The following DNAH9 variants were observed in gnomAD, a reference collection of about 807,000 sequenced individuals.
DNAH9 encodes the protein DNAH9 variant protein.
In DNAH9, 345 loss-of-function variants were observed where a neutral mutation model predicts 471.6. The observed-to-expected ratio is 0.73, with a 90% CI of 0.67 to 0.80. The LOEUF (loss-of-function observed/expected upper bound fraction) is 0.80, where lower values mean the gene tolerates loss of function less well. DNAH9 is among the 30% of genes least tolerant of loss of function. The pLI is 0.00. For missense variants in DNAH9, 5,407 were observed against 5,609.2 expected, an observed-to-expected ratio of 0.96 and a Z score of 1.15; for synonymous variants, 2,093 against 2,123.6, an observed-to-expected ratio of 0.99 and a Z score of 0.40.
At chr17:11,662,058 G>C (rs1385612197) in intron 14 of DNAH9, among the ~76,000 whole-genome samples, 1 of 151,864 alleles carries the variant, frequency 6.6e-6, no homozygotes, top group Admixed American at 6.6e-5. Context: ...TTTCATCTTT[G>C]TTTTTAAAGG....
intron 67 of DNAH9, among the ~76,000 whole-genome samples, chr17:11,960,867 A>G (rs562528273): frequency 3.7e-4 from 57 of 152,262 alleles, no homozygotes; most frequent in African/African-American, 1.3e-3. Context: ...CGGAGGTGAG[A>G]ACATCTTACA....
chr17:11,698,630 G>C (rs2074535994), intron 22 of DNAH9, among the ~76,000 whole-genome samples: 1 of 151,980 alleles, frequency 6.6e-6, no homozygotes, highest in Non-Finnish European at 1.5e-5. Flanking sequence ...TGGAGAGCTG[G>C]TTGTTCTAAA....
At chr17:11,763,926 C>A (rs1010439977) in intron 36 of DNAH9, among the ~76,000 whole-genome samples, 1 of 152,028 alleles carries the variant, frequency 6.6e-6, no homozygotes, top group South Asian at 2.1e-4. Flanking sequence ...CACTACTTTG[C>A]CAGGTGGTGT....
intron 61 of DNAH9, among the ~76,000 whole-genome samples, chr17:11,910,329 C>T (rs1372781678): frequency 6.6e-6 from 1 of 151,930 alleles, no homozygotes; most frequent in Non-Finnish European, 1.5e-5. Context: ...TTGTGATGAG[C>T]TTCTTTCATT....
At chr17:11,775,668 G>A (rs909913398) in intron 38 of DNAH9, among the ~76,000 whole-genome samples, 2 of 139,206 alleles carry the variant, frequency 1.4e-5, no homozygotes, top group Non-Finnish European at 3.0e-5. Context: ...GCAGTGGCGC[G>A]ATCTCGGCTC....
In DNAH9 at chr17:11,942,363, C is replaced by T; in HGVS notation, c.12721C>T (p.Leu4241=). ...GACAGACGAGTTTAACATCCCAGAA[C>T]TGATGGCCAAAGTGGAGGAGCGCAC... ...RVTDEFNIPE[L]MAKVEERTPY... is the part of the protein sequence containing the mutation. Residue 4241 remains leucine (L), a synonymous_variant, in exon 67 of 69, where the codon CTG becomes TTG. Transcript: ENST00000262442. The T allele has an allele frequency of 6.2e-7, 1 of 1,614,222 alleles. No homozygotes were observed. The highest frequency in any genetic ancestry group is 8.5e-7 in the Non-Finnish European group (1 of 1,180,040).
intron 32 of DNAH9, among the ~76,000 whole-genome samples, chr17:11,748,629 C>A (rs575870867): frequency 3.8e-4 from 58 of 152,280 alleles, no homozygotes; most frequent in African/African-American, 1.3e-3. Context: ...GAGCCATATT[C>A]CTTTCTACAG....
At chr17:11,936,768 C>A (rs1415840719) in intron 65 of DNAH9, among the ~76,000 whole-genome samples, 1 of 152,196 alleles carries the variant, frequency 6.6e-6, no homozygotes, top group Non-Finnish European at 1.5e-5. Flanking sequence ...TAGGGTGACA[C>A]ATAGTTTCAA....
At position 11,719,504 on chromosome 17, in the gene DNAH9, C is replaced by A. The variant is rs202132455; in HGVS notation, c.5709+14C>A. The stretch of plus-strand genomic sequence containing the variant: ...ATGGATTACAAGGTACAGTTCCACC[C>A]GGCTTCCTGGGGGTGGGGGTGGGGG... On this transcript the variant is annotated intron_variant, in intron 27 of 68. Coordinates refer to ENST00000262442, the MANE Select transcript of DNAH9 (RefSeq NM_001372.4). 30 of 1,572,988 alleles carry A rather than the reference C, an allele frequency of 1.9e-5. No individual in the cohort carries two copies. The highest frequency in any genetic ancestry group is 2.5e-5 in the Non-Finnish European group (29 of 1,149,844).
intron 26 of DNAH9, among the ~76,000 whole-genome samples, chr17:11,714,615 A>G (rs1174562451): frequency 6.6e-6 from 1 of 152,056 alleles, no homozygotes; most frequent in African/African-American, 2.4e-5. Flanking sequence ...TATTATTCCC[A>G]TGGTTGTGTA....
At chr17:11,950,154 AGACAAATTATCCTTCCTC>A (rs1202663767) in intron 67 of DNAH9, among the ~76,000 whole-genome samples, 1 of 152,180 alleles carries the variant, frequency 6.6e-6, no homozygotes, top group Non-Finnish European at 1.5e-5. Context: ...CTGTCCTCAA[AGACAAATTATCCTTCCTC>A]GACTCTCAAA....
chr17:11,789,538 TTAAG>T (rs1968992585), intron 41 of DNAH9, among the ~76,000 whole-genome samples: 1 of 152,040 alleles, frequency 6.6e-6, no homozygotes, highest in African/African-American at 2.4e-5. Context: ...ATGTTGGGTA[TTAAG>T]TGTGTCTTTT....
rs138845677 is a variant in DNAH9, at chr17:11,916,680, C to T, written c.11750-7134C>T. Among the ~76,000 whole-genome samples the T allele has an allele frequency of 2.2e-3, 340 of 152,320 alleles. 1 individual carries two copies. Among genetic ancestry groups the T allele is most frequent in the Middle Eastern group, 0.01 (3 of 294 alleles). ...TTCACTGTCTTCCTCCGTTTAGACT[C>T]TTAAAAAGCTTGGAATCATTTCTCC... On this transcript the variant is annotated intron_variant, in intron 61 of 68. Coordinates refer to ENST00000262442, the MANE Select transcript of DNAH9 (RefSeq NM_001372.4).
chr17:11,810,554 T>G (rs1244576881), intron 45 of DNAH9, among the ~76,000 whole-genome samples, 185 bp downstream of exon 45: 1 of 152,198 alleles, frequency 6.6e-6, no homozygotes, highest in Non-Finnish European at 1.5e-5. Context: ...CTATCCTGGC[T>G]CTTTCATTCT....
intron 45 of DNAH9, among the ~76,000 whole-genome samples, chr17:11,813,613 A>G (rs557698471): frequency 2.0e-5 from 3 of 152,348 alleles, no homozygotes; most frequent in Admixed American, 2.0e-4. Flanking sequence ...ATATAAAGGT[A>G]TAGTGAATGC....
chr17:11,708,014 CAGAGAG>C lies in DNAH9; in HGVS notation c.5552+2866_5552+2871del, dbSNP rs34314090. ...ACACACACACACACACACACACACA[CAGAGAG>C]AGAGAGAGAGAGAGAGAGAGAGAGA... On this transcript the variant is annotated intron_variant, in intron 26 of 68. Transcript: ENST00000262442. 9.4e-4 allele frequency among the ~76,000 whole-genome samples: 49 copies of C among 52,176 alleles called. 1 individual carries two copies. Among genetic ancestry groups the C allele is most frequent in the African/African-American group, 3.1e-3 (43 of 13,838 alleles). 34.2% of individuals were successfully genotyped at this position (52,176 alleles called of 152,430 possible). A position where few individuals can be genotyped will look rare whatever the true frequency, so the allele number is the denominator to read the frequency against.
chr17:11,647,933 A>G (rs980306608), intron 12 of DNAH9, among the ~76,000 whole-genome samples: 9 of 152,192 alleles, frequency 5.9e-5, no homozygotes, highest in African/African-American at 2.2e-4. Flanking sequence ...ACTTCTTGCA[A>G]TGCACAGGAC....
chr17:11,624,968 TA>T (rs1215103945), intron 6 of DNAH9, among the ~76,000 whole-genome samples: 1 of 152,144 alleles, frequency 6.6e-6, no homozygotes, highest in Non-Finnish European at 1.5e-5. Context: ...CAGAAGTATA[TA>T]AAATCTTTGC....
intron 58 of DNAH9, 60 bp from the exon 59 acceptor site, chr17:11,894,314 A>C: frequency 6.3e-7 from 1 of 1,596,716 alleles, no homozygotes; most frequent in Non-Finnish European, 8.5e-7. Context: ...ACAACCCCTA[A>C]GATTTCTAGG....
Sources: allele counts gnomAD v4.1 joint callset (sites outside exome capture counted in the v4.1 genomes callset), GRCh38; gene constraint gnomAD v4.1.1; transcripts MANE v1.5; gene names NCBI Gene and HGNC (gene_info 2026-07-23, HGNC 2026-07-21).